Variants in TUBGCP4 observed in about 807,000 individuals in gnomAD.
TUBGCP4 encodes tubulin gamma complex component 4.
A neutral mutation model predicts 91.6 loss-of-function variants in TUBGCP4; 54 were observed. That is an observed-to-expected ratio of 0.59 (90% CI 0.47 to 0.74). The LOEUF (loss-of-function observed/expected upper bound fraction) is 0.74, where lower values mean the gene tolerates loss of function less well. Ranked by LOEUF, TUBGCP4 falls within the 30% of genes least tolerant of loss-of-function variation. The probability of loss-of-function intolerance (pLI) is 0.00; values close to 1 mark genes in which losing one functional copy is unlikely to be tolerated. For synonymous variants in TUBGCP4, 297 were observed against 302.8 expected (o/e 0.98, Z 0.20); for missense variants, 593 against 800.9 (o/e 0.74, Z 3.13).
chr15:43,400,869 G>T, intron 14 of TUBGCP4, among the ~76,000 whole-genome samples: 1 of 151,504 alleles, frequency 6.6e-6, no homozygotes, highest in East Asian at 2.0e-4. Context: ...AGTGAGCCAA[G>T]ATCATGCCAT....
rs757581985 is a variant in TUBGCP4, at chr15:43,407,591, T to G, written c.*2377T>G. On this transcript the variant is annotated 3_prime_UTR_variant, in exon 18 of 18. Transcript: ENST00000564079. Reference sequence around the variant, plus strand: ...AATATCTGCAAGGAGCAAGGGAAAGTGAAGAAGGAAAGGACACTCAACTTA... The same window carrying G: ...AATATCTGCAAGGAGCAAGGGAAAGGGAAGAAGGAAAGGACACTCAACTTA... 5 of 1,597,996 alleles carry G rather than the reference T, an allele frequency of 3.1e-6. No homozygotes were observed. The highest frequency in any genetic ancestry group is 1.3e-5 in the African/African-American group (1 of 74,484).
In TUBGCP4 at chr15:43,405,075, G is replaced by A. The variant is rs950569433; in HGVS notation, c.1989-127G>A. On this transcript the variant is annotated intron_variant, in intron 17 of 17. Coordinates refer to ENST00000564079, the MANE Select transcript of TUBGCP4 (RefSeq NM_014444.5). ...TTTTTTCTAAGCTATTGTAGCAGAAGAGTCAAAAGAAACTCTTCAGTTTTA... is the reference window on the plus strand; with the variant it reads ...TTTTTTCTAAGCTATTGTAGCAGAAAAGTCAAAAGAAACTCTTCAGTTTTA... 30 of 1,044,006 alleles carry A rather than the reference G, an allele frequency of 2.9e-5. No individual in the cohort carries two copies. The African/African-American group carries it at 3.7e-4, about 13-fold the overall frequency. 64.7% of individuals were successfully genotyped at this position (1,044,006 alleles called of 1,614,324 possible).
At chr15:43,373,774 G>T (rs6493087) in intron 1 of TUBGCP4, among the ~76,000 whole-genome samples, 1 of 151,326 alleles carries the variant, frequency 6.6e-6, no homozygotes, top group South Asian at 2.1e-4. Context: ...TCAGCCTCCC[G>T]AGCAGCTGGG....
At chr15:43,392,648 G>A (rs1403269771) in intron 9 of TUBGCP4, among the ~76,000 whole-genome samples, 1 of 152,080 alleles carries the variant, frequency 6.6e-6, no homozygotes, top group Non-Finnish European at 1.5e-5. Context: ...ACAGGCATGT[G>A]CCACTACGCC....
Position 43,407,729 on chromosome 15 carries a change from T to C in TUBGCP4, c.*2515T>C, listed in dbSNP as rs1284231886. Reference sequence around the variant, plus strand: ...CTGATCATGACCAAAGGCAGAGTTATAATCACTATGTGCTGACCTTGTAGA... The same window carrying C: ...CTGATCATGACCAAAGGCAGAGTTACAATCACTATGTGCTGACCTTGTAGA... On this transcript the variant is annotated 3_prime_UTR_variant, in exon 18 of 18. Coordinates refer to ENST00000564079, the MANE Select transcript of TUBGCP4 (RefSeq NM_014444.5). 7 of 806,252 alleles carry C rather than the reference T, an allele frequency of 8.7e-6. No individual in the cohort carries two copies. Among genetic ancestry groups the C allele is most frequent in the South Asian group, 5.6e-5 (3 of 53,312 alleles). The allele number at this position is 806,252 out of a possible 1,614,324, so 49.9% of individuals were successfully genotyped here.
At chr15:43,381,713 C>T (rs1015353729) in intron 6 of TUBGCP4, among the ~76,000 whole-genome samples, 1 of 152,116 alleles carries the variant, frequency 6.6e-6, no homozygotes, top group African/African-American at 2.4e-5. Flanking sequence ...GCCTGGATGA[C>T]AGAATGAGAC....
At chr15:43,385,478 A>C (rs898526315) in intron 7 of TUBGCP4, 1 of 464,544 alleles carries the variant, frequency 2.2e-6, no homozygotes, top group Non-Finnish European at 4.1e-6. Flanking sequence ...AGACCTGGAA[A>C]ACAAAAAAGA....
At chr15:43,384,432 G>A (rs2044327208) in intron 7 of TUBGCP4, among the ~76,000 whole-genome samples, 1 of 152,168 alleles carries the variant, frequency 6.6e-6, no homozygotes, top group East Asian at 1.9e-4. Flanking sequence ...TCAGTGGAAG[G>A]TATGTCTAAA....
chr15:43,409,633 A>G lies in TUBGCP4; in HGVS notation c.*4419A>G, dbSNP rs777797466. The G allele has an allele frequency of 2.2e-5, 33 of 1,477,942 alleles. No individual in the cohort carries two copies. The highest frequency in any genetic ancestry group is 2.9e-5 in the African/African-American group (2 of 69,760). The allele number at this position is 1,477,942 out of a possible 1,614,324, so 91.6% of individuals were successfully genotyped here. ...CATTGCCACTATATTAGGTTACACA[A>G]AGAAACTCCTCACCTGGGCTTCATT... On this transcript the variant is annotated 3_prime_UTR_variant, in exon 18 of 18. Transcript: ENST00000564079.
intron 1 of TUBGCP4, among the ~76,000 whole-genome samples, chr15:43,374,653 A>C (rs1435397862): frequency 1.3e-5 from 2 of 152,172 alleles, no homozygotes; most frequent in African/African-American, 2.4e-5. Flanking sequence ...ACAATCTAGC[A>C]GTTCTACTTC....
chr15:43,404,590 AG>A, intron 17 of TUBGCP4, 38 bp downstream of exon 17: 1 of 1,605,138 alleles, frequency 6.2e-7, no homozygotes, highest in Non-Finnish European at 8.5e-7. Context: ...AGACTTTTTA[AG>A]GTGGCTTTTT....
Position 43,398,109 on chromosome 15 carries a change from G to A in TUBGCP4, c.1348G>A (p.Ala450Thr). The A allele has an allele frequency of 6.2e-7, 1 of 1,614,080 alleles. No homozygotes were observed. The highest frequency in any genetic ancestry group is 8.5e-7 in the Non-Finnish European group (1 of 1,179,984). The change falls in exon 13 of 18, where the codon GCA becomes ACA. Residue 450 changes from alanine (A) to threonine (T), a missense_variant. By Grantham distance (58) the Ala-to-Thr change is moderately conservative. Transcript: ENST00000564079. ...CCGGGAAGCCCCTGCATCTGGCTGGGCAGCCCTAGGTCTTTCCTACAAAGT... is the reference window on the plus strand; with the variant it reads ...CCGGGAAGCCCCTGCATCTGGCTGGACAGCCCTAGGTCTTTCCTACAAAGT... ...SPREAPASGW[A>T]ALGLSYKVQW...
In TUBGCP4 at chr15:43,393,583, C is replaced by T. The variant is rs543950565; in HGVS notation, c.1015-1524C>T. On this transcript the variant is annotated intron_variant, in intron 9 of 17. Transcript: ENST00000564079. ...TTAGCATTAGGTATATCTCCTAATG[C>T]TATCCCTCCCCGGTCCCCCCACCCT... is the stretch of plus-strand genomic sequence containing the variant. 1.4e-4 allele frequency among the ~76,000 whole-genome samples: 21 copies of T among 152,172 alleles called. No individual in the cohort carries two copies. The East Asian group carries it at 2.1e-3, about 15-fold the overall frequency.
Position 43,376,233 on chromosome 15 carries a change from C to T in TUBGCP4, c.207+7C>T. Reference sequence around the variant, plus strand: ...GGGCCATGTGCAACAGCAGGTGGGTCCTGTTCTCTGTGGGTGTACACCTCT... The same window carrying T: ...GGGCCATGTGCAACAGCAGGTGGGTTCTGTTCTCTGTGGGTGTACACCTCT... On this transcript the variant is annotated splice_region_variant and intron_variant, in intron 2 of 17. Coordinates refer to ENST00000564079, the MANE Select transcript of TUBGCP4 (RefSeq NM_014444.5). 1 of 1,613,078 alleles carries T rather than the reference C, an allele frequency of 6.2e-7. No individual in the cohort carries two copies. Among genetic ancestry groups the T allele is most frequent in the South Asian group, 1.1e-5 (1 of 90,794 alleles).
chr15:43,386,207 A>T lies in TUBGCP4; in HGVS notation c.891A>T (p.Gly297=), dbSNP rs371402330. The T allele has an allele frequency of 6.2e-7, 1 of 1,605,718 alleles. No individual in the cohort carries two copies. Among genetic ancestry groups the T allele is most frequent in the Middle Eastern group, 1.7e-4 (1 of 5,826 alleles). Residue 297 remains glycine (G), a splice_region_variant and synonymous_variant, in exon 9 of 18, where the codon GGA becomes GGT. Transcript: ENST00000564079. ...TGACGGTGTCTTCCTATTTTGCAGG[A>T]TCCATTTTGAAAAACCAGGAAGACA... The part of the protein sequence containing the change: ...ENQNVNLTRK[G]SILKNQEDTF...
At chr15:43,391,008 T>C (rs1595490312) in intron 9 of TUBGCP4, among the ~76,000 whole-genome samples, 2 of 151,674 alleles carry the variant, frequency 1.3e-5, no homozygotes, top group South Asian at 4.2e-4. Flanking sequence ...TTTCTTTTCT[T>C]TTCTTCTTTT....
intron 10 of TUBGCP4, 164 bp from the exon 11 acceptor site, chr15:43,395,419 A>G (rs942103210): frequency 1.6e-4 from 109 of 692,730 alleles, no homozygotes; most frequent in Non-Finnish European, 2.3e-4. Context: ...TCATCCTGCT[A>G]TGCGGAACTA....
At chr15:43,383,250 C>T in intron 6 of TUBGCP4, 53 bp from the exon 7 acceptor site, 13 of 1,491,938 alleles carry the variant, frequency 8.7e-6, no homozygotes, top group Non-Finnish European at 1.2e-5. Flanking sequence ...TCTGTTTATC[C>T]TGTAACAGTT....
Position 43,405,289 on chromosome 15 carries a change from T to C in TUBGCP4, c.*75T>C. 4.6e-6 allele frequency: 7 copies of C among 1,522,932 alleles called. No homozygotes were observed. The highest frequency in any genetic ancestry group is 6.4e-6 in the Non-Finnish European group (7 of 1,098,034). The allele number at this position is 1,522,932 out of a possible 1,614,324, so 94.3% of individuals were successfully genotyped here. On this transcript the variant is annotated 3_prime_UTR_variant, in exon 18 of 18. Transcript: ENST00000564079. ...ACAGAAGATTCAAAACATCCCATTC[T>C]AGCCACACACAAATAAATATCTGCG...
Sources: allele counts gnomAD v4.1 joint callset (sites outside exome capture counted in the v4.1 genomes callset), GRCh38; gene constraint gnomAD v4.1.1; transcripts MANE v1.5; gene names NCBI Gene and HGNC (gene_info 2026-07-23, HGNC 2026-07-21).